The following HLCS variants were observed in gnomAD, a reference collection of about 807,000 sequenced individuals.
The protein encoded by HLCS is holocarboxylase synthetase.
A neutral mutation model predicts 75.0 loss-of-function variants in HLCS; 53 were observed. The ratio of observed to expected loss-of-function variants is 0.71; its 90% CI spans 0.57 to 0.89. HLCS has a LOEUF of 0.89. HLCS is among the 40% of genes least tolerant of loss of function. The probability of loss-of-function intolerance (pLI) is 0.00; values close to 1 mark genes in which losing one functional copy is unlikely to be tolerated. For synonymous variants in HLCS, 431 were observed against 428.6 expected, an observed-to-expected ratio of 1.01 and a Z score of -0.07; for missense variants, 966 against 1,074.0, an observed-to-expected ratio of 0.90 and a Z score of 1.41.
In HLCS at chr21:36,768,369, C is replaced by A. The variant is rs1037741068; in HGVS notation, c.1893-1084G>T. On this transcript the variant is annotated intron_variant, in intron 6 of 10. Coordinates refer to ENST00000674895, the MANE Select transcript of HLCS (RefSeq NM_001352514.2). ...AAAGGAGCGCTAGAGAAAGACCACGCTGAGAAGCTTATCATCCTCCCCTCC... is the reference window on the plus strand; with the variant it reads ...AAAGGAGCGCTAGAGAAAGACCACGATGAGAAGCTTATCATCCTCCCCTCC... Among the ~76,000 whole-genome samples the A allele has an allele frequency of 5.3e-5, 8 of 152,338 alleles. 1 individual carries two copies. Among genetic ancestry groups the A allele is most frequent in the Admixed American group, 3.3e-4 (5 of 15,312 alleles).
chr21:36,898,975 TG>T (rs1357915740), intron 5 of HLCS, among the ~76,000 whole-genome samples: 1 of 151,660 alleles, frequency 6.6e-6, no homozygotes, highest in African/African-American at 2.4e-5. Flanking sequence ...GTGGAAAGAT[TG>T]CTTGAGCCCA....
intron 6 of HLCS, among the ~76,000 whole-genome samples, chr21:36,779,865 G>A (rs1485229762): frequency 6.6e-6 from 1 of 151,900 alleles, no homozygotes; most frequent in Non-Finnish European, 1.5e-5. Context: ...AGTCGGAACT[G>A]TACACAGACA....
intron 2 of HLCS, chr21:36,946,236 C>T (rs2146578353): frequency 4.5e-6 from 1 of 220,100 alleles, no homozygotes. Flanking sequence ...TATCCCTCAA[C>T]TTTTTTATTT....
intron 6 of HLCS, among the ~76,000 whole-genome samples, chr21:36,798,658 A>G (rs13050751): frequency 0.14 from 21,317 of 152,202 alleles, 1,792 homozygotes; most frequent in Non-Finnish European, 0.18. Context: ...CCAGTAACAC[A>G]TGAGAGTTCC....
chr21:36,767,401 G>A (rs929455362), intron 6 of HLCS, 116 bp from the exon 7 acceptor site: 9 of 977,390 alleles, frequency 9.2e-6, no homozygotes, highest in Non-Finnish European at 1.5e-5. Context: ...CCATGGAAGG[G>A]CCAACTTTGG....
At chr21:36,915,077 G>A (rs114858706) in intron 5 of HLCS, among the ~76,000 whole-genome samples, 8 of 152,168 alleles carry the variant, frequency 5.3e-5, no homozygotes, top group South Asian at 2.1e-4. Flanking sequence ...ATGTCCCCCC[G>A]CCCCACCATC....
chr21:36,823,610 G>GGGGGGTGTGT (rs372824950), intron 6 of HLCS, among the ~76,000 whole-genome samples: 1 of 132,726 alleles, frequency 7.5e-6, no homozygotes, highest in Non-Finnish European at 1.6e-5. Flanking sequence ...AAACGTGCAG[G>GGGGGGTGTGT]GTGTGTGTGT....
chr21:36,806,768 C>A (rs543916364), intron 6 of HLCS, among the ~76,000 whole-genome samples: 221 of 152,316 alleles, frequency 1.5e-3, no homozygotes, highest in Non-Finnish European at 2.8e-3. Context: ...GAACGCAAAA[C>A]TAAGCAGCCC....
rs376533049 is a variant in HLCS, at chr21:36,946,238, T to A, written c.331-7244A>T. ...CAAGGCTCAATCCTATCCCTCAACT[T>A]TTTTATTTTTTATTTTTATTTTTTT... On this transcript the variant is annotated intron_variant, in intron 2 of 10. Transcript: ENST00000674895. The A allele has an allele frequency of 1.5e-3, 293 of 201,002 alleles. 3 individuals carry two copies. The highest frequency in any genetic ancestry group is 6.7e-3 in the African/African-American group (282 of 42,300). The allele number at this position is 201,002 out of a possible 1,614,324, so 12.5% of individuals were successfully genotyped here. A position where few individuals can be genotyped will look rare whatever the true frequency, so the allele number is the denominator to read the frequency against.
intron 6 of HLCS, among the ~76,000 whole-genome samples, chr21:36,835,665 CT>C (rs1468242267): frequency 6.6e-6 from 1 of 152,180 alleles, no homozygotes. Flanking sequence ...CTGGGCACCT[CT>C]CCCAATCCAG....
chr21:36,905,679 C>T (rs2065417922), intron 5 of HLCS, among the ~76,000 whole-genome samples: 1 of 151,238 alleles, frequency 6.6e-6, no homozygotes, highest in African/African-American at 2.4e-5. Flanking sequence ...TTGCACAGGA[C>T]ATGAAAATCC....
chr21:36,804,150 T>C (rs887447225), intron 6 of HLCS: 3 of 152,522 alleles, frequency 2.0e-5, no homozygotes, highest in African/African-American at 7.2e-5. Flanking sequence ...TGCATCCAGC[T>C]CTTCCCGTAG....
Position 36,936,562 on chromosome 21 carries a change from G to A in HLCS, c.1324C>T (p.Pro442Ser). The change falls in exon 4 of 11, where the codon CCC (proline) becomes TCC (serine). Residue 442 changes from proline to serine, a missense_variant. Physicochemically the swap from Pro to Ser is moderately conservative, Grantham distance 74. Transcript: ENST00000674895. Reference sequence around the variant, plus strand: ...AGCCTGCCGGGGCTGAGCCGGACGGGGCCTTCCTGGTACCTGCAGCCACTG... The same window carrying A: ...AGCCTGCCGGGGCTGAGCCGGACGGAGCCTTCCTGGTACCTGCAGCCACTG... ...LSSGCRYQEG[P>S]VRLSPGRLQG... The A allele has an allele frequency of 1.2e-6, 2 of 1,614,150 alleles. No homozygotes were observed. The highest frequency in any genetic ancestry group is 1.7e-6 in the Non-Finnish European group (2 of 1,180,026).
At chr21:36,972,873 G>T (rs1373743053) in intron 1 of HLCS, among the ~76,000 whole-genome samples, 1 of 152,076 alleles carries the variant, frequency 6.6e-6, no homozygotes, top group Admixed American at 6.6e-5. Flanking sequence ...AGATTGATAA[G>T]AATTACATAA....
rs761937078 is a variant in HLCS at position 36,937,145 on chromosome 21, G to T, written c.741C>A (p.His247Gln). The T allele has an allele frequency of 6.2e-7, 1 of 1,614,176 alleles. No homozygotes were observed. Among genetic ancestry groups the T allele is most frequent in the South Asian group, 1.1e-5 (1 of 91,076 alleles). The change falls in exon 4 of 11, where the codon CAC (histidine) becomes CAA (glutamine). Residue 247 changes from histidine (H) to glutamine (Q), a missense_variant. Coordinates refer to ENST00000674895, the MANE Select transcript of HLCS (RefSeq NM_001352514.2). ...DRGGGPVEHY[H>Q]LHLSSCHECL... ...ACTCGTGGCAACTAGACAGATGGAG[G>T]TGATAATGCTCAACGGGGCCCCCTC...
chr21:36,765,247 C>G (rs1601141885), intron 7 of HLCS, 75 bp from the exon 8 acceptor site: 1 of 1,335,548 alleles, frequency 7.5e-7, no homozygotes, highest in East Asian at 2.3e-5. Flanking sequence ...ATGCCAGGGC[C>G]ACACACTCAA....
chr21:36,950,259 GTA>G (rs1569237341), intron 2 of HLCS, among the ~76,000 whole-genome samples: 2 of 151,116 alleles, frequency 1.3e-5, no homozygotes, highest in African/African-American at 4.9e-5. Flanking sequence ...CTTGTTTGAT[GTA>G]TATATTATGT....
intron 6 of HLCS, among the ~76,000 whole-genome samples, chr21:36,881,332 C>T (rs944516455): frequency 4.3e-4 from 66 of 152,242 alleles, no homozygotes; most frequent in African/African-American, 1.4e-3. Context: ...AACACCCACC[C>T]GGATCATCAC....
intron 6 of HLCS, among the ~76,000 whole-genome samples, chr21:36,893,478 G>A (rs190607483): frequency 6.6e-6 from 1 of 152,246 alleles, no homozygotes; most frequent in East Asian, 1.9e-4. Flanking sequence ...GTTTGACACT[G>A]TTCCAGTAAC....
Sources: allele counts gnomAD v4.1 joint callset (sites outside exome capture counted in the v4.1 genomes callset), GRCh38; gene constraint gnomAD v4.1.1; transcripts MANE v1.5; gene names NCBI Gene and HGNC (gene_info 2026-07-23, HGNC 2026-07-21).